CHST8: variants seen among roughly 807,000 people sequenced by gnomAD.
CHST8 encodes the protein carbohydrate sulfotransferase 8.
In CHST8, 10 loss-of-function variants were observed where a neutral mutation model predicts 15.0. The observed-to-expected ratio is 0.67, with a 90% confidence interval of 0.41 to 1.13. The LOEUF is 1.13. Ranked by LOEUF, CHST8 falls within the 50% of genes most tolerant of loss-of-function variation. The pLI, the probability that CHST8 is intolerant of heterozygous loss-of-function variation, is 0.00. For synonymous variants in CHST8, 259 were observed against 256.6 expected, an observed-to-expected ratio of 1.01 and a Z score of -0.09; for missense variants, 634 against 608.2, an observed-to-expected ratio of 1.04 and a Z score of -0.45.
chr19:33,680,414 C>T (rs903993758), intron 2 of CHST8, among the ~76,000 whole-genome samples: 18 of 152,168 alleles, frequency 1.2e-4, no homozygotes, highest in Admixed American at 8.5e-4. Flanking sequence ...ATCTGTGCTG[C>T]GGCTAAATCT....
At chr19:33,678,634 G>T (rs1367542054) in intron 2 of CHST8, among the ~76,000 whole-genome samples, 6 of 152,164 alleles carry the variant, frequency 3.9e-5, no homozygotes, top group Non-Finnish European at 7.4e-5. Flanking sequence ...AGCTACTCAA[G>T]AGTCTGAGGT....
intron 1 of CHST8, among the ~76,000 whole-genome samples, chr19:33,644,140 C>G (rs1023679709): frequency 1.3e-5 from 2 of 152,132 alleles, no homozygotes; most frequent in Admixed American, 6.5e-5. Flanking sequence ...ACCATGTTGG[C>G]CAGGCTAGTC....
At chr19:33,734,006 G>C (rs1974039164) in intron 3 of CHST8, among the ~76,000 whole-genome samples, 1 of 152,188 alleles carries the variant, frequency 6.6e-6, no homozygotes, top group Non-Finnish European at 1.5e-5. Context: ...ATCTTGACTA[G>C]GGCCTGGGAA....
intron 3 of CHST8, among the ~76,000 whole-genome samples, chr19:33,714,430 T>C (rs527766612): frequency 2.6e-5 from 4 of 152,146 alleles, no homozygotes; most frequent in Non-Finnish European, 5.9e-5. Flanking sequence ...TCTCAGTAAG[T>C]GGGAGCTAAA....
chr19:33,748,564 G>T (rs1974355966), intron 3 of CHST8, among the ~76,000 whole-genome samples: 1 of 152,228 alleles, frequency 6.6e-6, no homozygotes, highest in South Asian at 2.1e-4. Context: ...GTCTGGCCCA[G>T]ATCTGGGACC....
At chr19:33,753,168 AC>A (rs1366317116) in intron 3 of CHST8, among the ~76,000 whole-genome samples, 4 of 151,962 alleles carry the variant, frequency 2.6e-5, no homozygotes, top group Non-Finnish European at 4.4e-5. Flanking sequence ...TGGGAACGGC[AC>A]AGCCAGAGCC....
chr19:33,757,570 A>G (rs1460625158), intron 3 of CHST8, among the ~76,000 whole-genome samples: 2 of 143,120 alleles, frequency 1.4e-5, no homozygotes, highest in Non-Finnish European at 1.5e-5. Flanking sequence ...GAAAGAAAGA[A>G]AGAAAGAAAG....
In CHST8 at chr19:33,642,030, G is replaced by A. The variant is rs1444368485; in HGVS notation, c.-164+19734G>A. 2.0e-5 allele frequency among the ~76,000 whole-genome samples: 3 copies of A among 152,214 alleles called. No homozygotes were observed. In the East Asian group the frequency reaches 5.8e-4, roughly 29 times the overall value. ...CTGACAAGGTGGATGATTTCCGCCT[G>A]GAGGATGAGGGCCTGGGGCCTAGTG... On this transcript the variant is annotated intron_variant, in intron 1 of 4. Transcript: ENST00000650847.
intron 3 of CHST8, among the ~76,000 whole-genome samples, chr19:33,734,783 C>A (rs1599600317): frequency 6.6e-6 from 1 of 152,280 alleles, no homozygotes; most frequent in East Asian, 1.9e-4. Context: ...ACCCTGGGAG[C>A]ACTGACTTCC....
intron 2 of CHST8, chr19:33,684,806 C>G (rs1177171166): frequency 6.6e-6 from 1 of 152,160 alleles, no homozygotes; most frequent in Non-Finnish European, 1.5e-5. Context: ...GCGCCCGGTG[C>G]AGAGTCCCCG....
At chr19:33,742,105 G>T (rs1974205820) in intron 3 of CHST8, among the ~76,000 whole-genome samples, 1 of 152,166 alleles carries the variant, frequency 6.6e-6, no homozygotes, top group South Asian at 2.1e-4. Context: ...CCTTCCCCAA[G>T]TGTACACCTG....
At chr19:33,659,740 G>A (rs1972561714) in intron 1 of CHST8, among the ~76,000 whole-genome samples, 1 of 152,140 alleles carries the variant, frequency 6.6e-6, no homozygotes, top group Non-Finnish European at 1.5e-5. Context: ...AGCCCAGGGA[G>A]GTGGAGGCTG....
chr19:33,760,696 T>G (rs921621994), intron 3 of CHST8, among the ~76,000 whole-genome samples: 1 of 152,144 alleles, frequency 6.6e-6, no homozygotes, highest in Non-Finnish European at 1.5e-5. Context: ...TGGAAGGCCA[T>G]GAAGCTCTGC....
chr19:33,692,591 A>G (rs1245523102), intron 3 of CHST8, among the ~76,000 whole-genome samples: 1 of 152,200 alleles, frequency 6.6e-6, no homozygotes, highest in East Asian at 1.9e-4. Flanking sequence ...AGTCTCAGCA[A>G]CTTAGGAAGC....
intron 1 of CHST8, among the ~76,000 whole-genome samples, chr19:33,659,923 G>A (rs567905660): frequency 4.9e-4 from 75 of 152,306 alleles, no homozygotes; most frequent in African/African-American, 1.7e-3. Flanking sequence ...GTTGTGAGAC[G>A]TACAGGTTTC....
intron 3 of CHST8, among the ~76,000 whole-genome samples, chr19:33,690,711 C>T (rs560703684): frequency 6.6e-6 from 1 of 152,346 alleles, no homozygotes; most frequent in South Asian, 2.1e-4. Flanking sequence ...GCGTCTGGAG[C>T]AGCAGGTGCG....
At chr19:33,734,291 A>G (rs955180449) in intron 3 of CHST8, among the ~76,000 whole-genome samples, 4 of 152,248 alleles carry the variant, frequency 2.6e-5, no homozygotes. Context: ...AAGGAGAGGC[A>G]TGAATAATCC....
chr19:33,639,295 G>A (rs1298448152), intron 1 of CHST8, among the ~76,000 whole-genome samples: 2 of 152,102 alleles, frequency 1.3e-5, no homozygotes, highest in Admixed American at 6.6e-5. Flanking sequence ...CACTGCAGAC[G>A]TGTAATTAAG....
intron 2 of CHST8, among the ~76,000 whole-genome samples, chr19:33,687,488 G>A (rs1023738583): frequency 4.6e-5 from 7 of 152,218 alleles, no homozygotes; most frequent in African/African-American, 1.7e-4. Context: ...ACACCCCGGA[G>A]CCAGCTCCAG....
Sources: gnomAD v4.1 joint callset for allele counts (sites outside exome capture counted in the v4.1 genomes callset) on GRCh38, gnomAD v4.1.1 for gene constraint, MANE v1.5 for transcripts, NCBI Gene and HGNC (gene_info 2026-07-23, HGNC 2026-07-21) for gene names.